USH2A: variants seen among roughly 807,000 people sequenced by gnomAD.
USH2A encodes the protein Usher syndrome 2A (autosomal recessive, mild).
USH2A carries 443 observed loss-of-function variants against 538.9 expected under a neutral mutation model. The ratio of observed to expected loss-of-function variants is 0.82; its 90% CI spans 0.76 to 0.89. USH2A has a LOEUF of 0.89. Ranked by LOEUF, USH2A falls within the 40% of genes least tolerant of loss-of-function variation. The probability of loss-of-function intolerance (pLI) is 0.00; values close to 1 mark genes in which losing one functional copy is unlikely to be tolerated. For synonymous variants in USH2A, 2,413 were observed against 2,273.5 expected, an observed-to-expected ratio of 1.06 and a Z score of -1.75; for missense variants, 6,633 against 6,324.8, an observed-to-expected ratio of 1.05 and a Z score of -1.65.
intron 3 of USH2A, among the ~76,000 whole-genome samples, chr1:216,378,472 CTTCTGATGTT>C (rs559758873): frequency 9.6e-4 from 146 of 152,190 alleles, no homozygotes; most frequent in African/African-American, 3.3e-3. Flanking sequence ...GATCACAGGA[CTTCTGATGTT>C]TTCTTAGAAC....
chr1:215,873,762 C>G (rs1487249610), intron 43 of USH2A, among the ~76,000 whole-genome samples: 1 of 145,396 alleles, frequency 6.9e-6, no homozygotes, highest in Non-Finnish European at 1.5e-5. Context: ...AGTGGATTCT[C>G]GAGGAATCAC....
At chr1:215,754,444 A>G (rs1660723422) in intron 58 of USH2A, among the ~76,000 whole-genome samples, 1 of 152,170 alleles carries the variant, frequency 6.6e-6, no homozygotes, top group South Asian at 2.1e-4. Flanking sequence ...GTTGCCAAGT[A>G]ACCACATAGA....
At chr1:216,018,697 C>T (rs1430390448) in intron 32 of USH2A, among the ~76,000 whole-genome samples, 1 of 152,100 alleles carries the variant, frequency 6.6e-6, no homozygotes, top group Non-Finnish European at 1.5e-5. Context: ...TTCACAGCAG[C>T]ATTATGTGAA....
chr1:215,987,988 T>A (rs992267490), intron 35 of USH2A, among the ~76,000 whole-genome samples: 3 of 152,232 alleles, frequency 2.0e-5, no homozygotes, highest in African/African-American at 7.2e-5. Context: ...TTTTTCTAGT[T>A]TAGTTTATAG....
chr1:216,152,963 GAA>G (rs2033869175), intron 21 of USH2A, among the ~76,000 whole-genome samples: 3 of 152,184 alleles, frequency 2.0e-5, no homozygotes, highest in Non-Finnish European at 4.4e-5. Context: ...CCACATAGAA[GAA>G]GAGAAGAAAA....
chr1:216,319,238 A>T (rs1233233401), intron 9 of USH2A, among the ~76,000 whole-genome samples: 1 of 152,204 alleles, frequency 6.6e-6, no homozygotes, highest in East Asian at 1.9e-4. Context: ...ATCTTAAGGG[A>T]TCAAAAGAAG....
intron 21 of USH2A, chr1:216,174,009 T>C (rs1243413434): frequency 2.1e-5 from 21 of 985,242 alleles, no homozygotes; most frequent in Non-Finnish European, 2.4e-5. Context: ...GTTCAATTTC[T>C]AATACTCTGC....
intron 3 of USH2A, among the ~76,000 whole-genome samples, chr1:216,370,870 G>A (rs906276992): frequency 6.6e-6 from 1 of 151,950 alleles, no homozygotes; most frequent in African/African-American, 2.4e-5. Context: ...TTCAGGATTG[G>A]TGTCACCACC....
intron 61 of USH2A, among the ~76,000 whole-genome samples, chr1:215,690,987 G>A (rs1000195411): frequency 3.3e-5 from 5 of 151,988 alleles, no homozygotes; most frequent in African/African-American, 7.3e-5. Context: ...AGGTTCAAGC[G>A]ATTCTTCTGC....
chr1:215,749,497 C>T (rs1334388595), intron 58 of USH2A, among the ~76,000 whole-genome samples: 1 of 152,180 alleles, frequency 6.6e-6, no homozygotes, highest in African/African-American at 2.4e-5. Context: ...GGAAAGTGGG[C>T]CCCCTCCACT....
chr1:215,639,003 AC>A (rs369091302), intron 69 of USH2A, 151 bp downstream of exon 69: 296 of 784,842 alleles, frequency 3.8e-4, no homozygotes, highest in African/African-American at 3.6e-3. Flanking sequence ...CAAAAAAAAA[AC>A]AAAAAAAAAA....
intron 60 of USH2A, among the ~76,000 whole-genome samples, chr1:215,729,303 G>A (rs1468929280): frequency 1.3e-5 from 2 of 152,094 alleles, no homozygotes; most frequent in Non-Finnish European, 2.9e-5. Context: ...TGTTTACAAA[G>A]TATTTTAAAT....
intron 4 of USH2A, among the ~76,000 whole-genome samples, chr1:216,334,989 A>G (rs1009147301): frequency 6.6e-6 from 1 of 151,680 alleles, no homozygotes; most frequent in Non-Finnish European, 1.5e-5. Flanking sequence ...CCCAACAACA[A>G]CAGAATACAA....
At chr1:215,657,956 G>A (rs1558040883) in intron 64 of USH2A, among the ~76,000 whole-genome samples, 2 of 136,840 alleles carry the variant, frequency 1.5e-5, no homozygotes, top group Admixed American at 1.5e-4. Context: ...TTGAGACAGA[G>A]TCTCTCTCTC....
chr1:216,417,329 T>C (rs751976535), intron 3 of USH2A, among the ~76,000 whole-genome samples: 28 of 151,836 alleles, frequency 1.8e-4, no homozygotes, highest in Non-Finnish European at 3.2e-4. Flanking sequence ...GATGTAAATG[T>C]CCTCTAGTTC....
At chr1:216,010,967 C>G (rs1271801092) in intron 32 of USH2A, among the ~76,000 whole-genome samples, 1 of 152,028 alleles carries the variant, frequency 6.6e-6, no homozygotes, top group Non-Finnish European at 1.5e-5. Context: ...ACCTAATCAC[C>G]CTTACCCCTC....
intron 30 of USH2A, among the ~76,000 whole-genome samples, chr1:216,059,510 C>A (rs1558236212): frequency 6.6e-6 from 1 of 152,192 alleles, no homozygotes; most frequent in Non-Finnish European, 1.5e-5. Flanking sequence ...ATTTTCCATA[C>A]TGGATAGCAT....
chr1:215,976,322 C>G (rs1193926463), intron 35 of USH2A, among the ~76,000 whole-genome samples: 3 of 152,130 alleles, frequency 2.0e-5, no homozygotes, highest in African/African-American at 7.2e-5. Flanking sequence ...TGCCTGATTG[C>G]TCTGGCAAGG....
intron 21 of USH2A, among the ~76,000 whole-genome samples, chr1:216,172,727 G>T (rs144851700): frequency 4.7e-4 from 72 of 152,130 alleles, no homozygotes; most frequent in Non-Finnish European, 7.4e-4. Context: ...ACAAATAAAT[G>T]AATAAATAAT....
Sources: allele counts gnomAD v4.1 joint callset (sites outside exome capture counted in the v4.1 genomes callset), GRCh38; gene constraint gnomAD v4.1.1; transcripts MANE v1.5; gene names NCBI Gene and HGNC (gene_info 2026-07-23, HGNC 2026-07-21).